FKBP4: variants seen among roughly 807,000 people sequenced by gnomAD.
FKBP4 encodes FKBP prolyl isomerase 4, also known as peptidyl-prolyl cis-trans isomerase FKBP4.
In FKBP4, 28 loss-of-function variants were observed where a neutral mutation model predicts 54.1. That is an observed-to-expected ratio of 0.52 (90% CI 0.38 to 0.71). The LOEUF is 0.71. Among genes scored for constraint, FKBP4 ranks in the 30% least tolerant of loss-of-function variants. The pLI, the probability that FKBP4 is intolerant of heterozygous loss-of-function variation, is 0.00. For synonymous variants in FKBP4, 223 were observed against 216.1 expected (o/e 1.03, Z -0.28); for missense variants, 493 against 574.4 (o/e 0.86, Z 1.45).
At position 2,800,034 on chromosome 12, in the gene FKBP4, G is replaced by A. The variant is rs749322183; in HGVS notation, c.763-5G>A. On this transcript the variant is annotated splice_region_variant and splice_polypyrimidine_tract_variant and intron_variant, in intron 6 of 9. Transcript: ENST00000001008. ...CAACTTTGTTTCTCTCCTGGGGTGT[G>A]GCAGGCCAAGGAGTCTTGGGAGATG... 1.2e-6 allele frequency: 2 copies of A among 1,614,174 alleles called. No individual in the cohort carries two copies. Among genetic ancestry groups the A allele is most frequent in the Admixed American group, 3.3e-5 (2 of 60,034 alleles).
At position 2,797,829 on chromosome 12, in the gene FKBP4, C is replaced by T; in HGVS notation, c.351C>T (p.Gly117=). The T allele has an allele frequency of 6.2e-7, 1 of 1,614,114 alleles. No individual in the cohort carries two copies. The highest frequency in any genetic ancestry group is 8.5e-7 in the Non-Finnish European group (1 of 1,179,974). ...CKPEYAYGSA[G]SPPKIPPNAT... is the part of the protein sequence containing the mutation. Reference sequence around the variant, plus strand: ...CAGAATATGCCTACGGTTCAGCAGGCAGTCCTCCAAAGATTCCCCCCAATG... The same window carrying T: ...CAGAATATGCCTACGGTTCAGCAGGTAGTCCTCCAAAGATTCCCCCCAATG... The change falls in exon 3 of 10, where the codon GGC becomes GGT. Residue 117 remains glycine, a synonymous_variant. Transcript: ENST00000001008.
intron 8 of FKBP4, among the ~76,000 whole-genome samples, 170 bp from the exon 9 acceptor site, chr12:2,800,947 G>GATTCCTTCCTA (rs924488244): frequency 1.6e-5 from 2 of 123,056 alleles, no homozygotes; most frequent in African/African-American, 6.4e-5. Context: ...GATTAAATGA[G>GATTCCTTCCTA]GTCCCTGGAT....
chr12:2,805,077 C>T lies in FKBP4; in HGVS notation c.*1819C>T. Reference sequence around the variant, plus strand: ...TAACTCAAGCATTTATGGAGTAAGCCTAGCACTGTACTGACAGCATCACAT... The same window carrying T: ...TAACTCAAGCATTTATGGAGTAAGCTTAGCACTGTACTGACAGCATCACAT... On this transcript the variant is annotated 3_prime_UTR_variant, in exon 10 of 10. Transcript: ENST00000001008. 2.3e-6 allele frequency: 1 copy of T among 436,880 alleles called. No individual in the cohort carries two copies. Among genetic ancestry groups the T allele is most frequent in the South Asian group, 1.6e-5 (1 of 60,996 alleles). The allele number at this position is 436,880 out of a possible 1,614,324, so 27.1% of individuals were successfully genotyped here. A position where few individuals can be genotyped will look rare whatever the true frequency, so the allele number is the denominator to read the frequency against.
At position 2,797,795 on chromosome 12, in the gene FKBP4, C is replaced by T. The variant is rs1366296045; in HGVS notation, c.317C>T (p.Thr106Ile). Residue 106 changes from threonine to isoleucine, a missense_variant, in exon 3 of 10, where the codon ACC becomes ATC. Thr to Ile is a moderately conservative substitution (Grantham distance 89). Transcript: ENST00000001008. ...TMKVGEVCHI[T>I]CKPEYAYGSA... is the part of the protein sequence containing the mutation. ...AAGGTGGGGGAGGTGTGCCACATCA[C>T]CTGCAAACCAGAATATGCCTACGGT... 2 of 1,613,994 alleles carry T rather than the reference C, an allele frequency of 1.2e-6. No individual in the cohort carries two copies. Among genetic ancestry groups the T allele is most frequent in the Non-Finnish European group, 1.7e-6 (2 of 1,179,944 alleles).
Position 2,796,349 on chromosome 12 carries a change from C to A in FKBP4, c.106-789C>A, listed in dbSNP as rs376330266. 4 of 1,289,246 alleles carry A rather than the reference C, an allele frequency of 3.1e-6. No individual in the cohort carries two copies. The East Asian group carries it at 2.2e-4, about 72-fold the overall frequency. 79.9% of individuals were successfully genotyped at this position (1,289,246 alleles called of 1,614,324 possible). On this transcript the variant is annotated intron_variant, in intron 1 of 9. Coordinates refer to ENST00000001008, the MANE Select transcript of FKBP4 (RefSeq NM_002014.4). ...TCTCGCTCCAGCGTCCTGCCGTTTT[C>A]TACGAGATTGTTATTCCAGGAAAGC...
intron 2 of FKBP4, among the ~76,000 whole-genome samples, 168 bp downstream of exon 2, chr12:2,797,450 ATC>A (rs1295124714): frequency 6.9e-6 from 1 of 144,368 alleles, no homozygotes; most frequent in East Asian, 2.0e-4. Flanking sequence ...AACTATATTG[ATC>A]TCTGTCTCCC....
rs1250894226 is a variant in FKBP4, at chr12:2,798,554, A to G, written c.394-152A>G. On this transcript the variant is annotated intron_variant, in intron 3 of 9. Transcript: ENST00000001008. The surrounding 1 kb of genome is among the most constrained non-coding windows in gnomAD (Gnocchi z 4.3). ...AGATTAGGGCAGCTCCCAAGAACTG[A>G]AAAAAAGTGCCACTCTACCCAACTC... 6.3e-6 allele frequency: 8 copies of G among 1,278,494 alleles called. No homozygotes were observed. In the East Asian group the frequency reaches 9.6e-5, roughly 15 times the overall value. The allele number at this position is 1,278,494 out of a possible 1,614,324, so 79.2% of individuals were successfully genotyped here.
chr12:2,797,710 T>C lies in FKBP4; in HGVS notation c.251-19T>C. ...TCAGAACCCTGCTAAGGCGGTCCTG[T>C]TTGCTTCTGTACCTGCAGGGGAGGT... On this transcript the variant is annotated intron_variant, in intron 2 of 9. Coordinates refer to ENST00000001008, the MANE Select transcript of FKBP4 (RefSeq NM_002014.4). 6.2e-7 allele frequency: 1 copy of C among 1,603,912 alleles called. No individual in the cohort carries two copies. The highest frequency in any genetic ancestry group is 8.5e-7 in the Non-Finnish European group (1 of 1,172,792).
At position 2,799,107 on chromosome 12, in the gene FKBP4, C is replaced by A; in HGVS notation, c.534C>A (p.Tyr178Ter). The part of the protein sequence containing the change: ...AIVEVALEGY[Y>*]KDKLFDQREL... ...TGCCAGTTGCACTGGAAGGGTACTACAAGGACAAGCTCTTTGACCAGCGGG... is the reference window on the plus strand; with the variant it reads ...TGCCAGTTGCACTGGAAGGGTACTAAAAGGACAAGCTCTTTGACCAGCGGG... Residue 178 changes from tyrosine to a stop codon, truncating the protein, a stop_gained, in exon 5 of 10, where the codon TAC (tyrosine) becomes TAA (stop). Coordinates refer to ENST00000001008, the MANE Select transcript of FKBP4 (RefSeq NM_002014.4). LOFTEE classifies it high-confidence loss of function. 2 of 1,553,652 alleles carry A rather than the reference C, an allele frequency of 1.3e-6. No individual in the cohort carries two copies. Among genetic ancestry groups the A allele is most frequent in the Middle Eastern group, 1.7e-4 (1 of 5,768 alleles).
In FKBP4 at chr12:2,795,937, C is replaced by CG. The variant is rs2097901567; in HGVS notation, c.105+693_105+694insG. ...GCCGGGAGCTGTAGTCCCCTCCCCC[C>CG]TCCGCCGCCTCCCGGAGCCAGGGCT... On this transcript the variant is annotated intron_variant, in intron 1 of 9. Coordinates refer to ENST00000001008, the MANE Select transcript of FKBP4 (RefSeq NM_002014.4). The surrounding 1 kb of genome is among the most constrained non-coding windows in gnomAD (Gnocchi z 4.3). The CG allele has an allele frequency of 9.8e-7, 1 of 1,024,924 alleles. No individual in the cohort carries two copies. Among genetic ancestry groups the CG allele is most frequent in the Admixed American group, 5.3e-5 (1 of 18,772 alleles). 63.5% of individuals were successfully genotyped at this position (1,024,924 alleles called of 1,614,324 possible).
chr12:2,798,244 T>C lies in FKBP4; in HGVS notation c.393+373T>C, dbSNP rs1241854948. On this transcript the variant is annotated intron_variant, in intron 3 of 9. Coordinates refer to ENST00000001008, the MANE Select transcript of FKBP4 (RefSeq NM_002014.4). The surrounding 1 kb of genome is among the most constrained non-coding windows in gnomAD (Gnocchi z 4.3). ...CCAGAAGAGGGAGCAGTAGCTCCCC[T>C]GTGGGTCAAGGGCTGAGAAAAGGCT... is the stretch of plus-strand genomic sequence containing the variant. Among the ~76,000 whole-genome samples, 2 of 152,228 alleles carry C rather than the reference T, an allele frequency of 1.3e-5. No homozygotes were observed. The highest frequency in any genetic ancestry group is 2.9e-5 in the Non-Finnish European group (2 of 68,042).
chr12:2,797,944 G>GA, intron 3 of FKBP4, 73 bp downstream of exon 3: 1 of 1,530,968 alleles, frequency 6.5e-7, no homozygotes, highest in African/African-American at 1.4e-5. Flanking sequence ...CTGCCCTCCA[G>GA]CCCTTCCTGC....
chr12:2,796,219 CAG>C, intron 1 of FKBP4: 1 of 1,289,084 alleles, frequency 7.8e-7, no homozygotes, highest in Non-Finnish European at 1.0e-6. Flanking sequence ...GCACCCACCT[CAG>C]GGGGCCTTTA....
At position 2,798,790 on chromosome 12, in the gene FKBP4, G is replaced by A; in HGVS notation, c.478G>A (p.Gly160Ser). ...IIRRIQTRGE[G>S]YAKPNEGAIV... ...TCGCAGAATACAGACTCGCGGTGAA[G>A]GCTATGCTAAGCCCAATGAGGGTGC... Residue 160 changes from glycine (G) to serine (S), a missense_variant, in exon 4 of 10, where the codon GGC becomes AGC. Physicochemically the swap from Gly to Ser is moderately conservative, Grantham distance 56 (BLOSUM62 0). Transcript: ENST00000001008. The surrounding 1 kb of genome is among the most constrained non-coding windows in gnomAD (Gnocchi z 4.3). 1 of 1,614,210 alleles carries A rather than the reference G, an allele frequency of 6.2e-7. No homozygotes were observed. Among genetic ancestry groups the A allele is most frequent in the Non-Finnish European group, 8.5e-7 (1 of 1,180,038 alleles).
rs937421633 is a variant in FKBP4 at position 2,803,241 on chromosome 12, G to T, written c.1363G>T (p.Val455Leu). The T allele has an allele frequency of 2.5e-6, 4 of 1,589,276 alleles. No individual in the cohort carries two copies. The highest frequency in any genetic ancestry group is 3.4e-6 in the Non-Finnish European group (4 of 1,169,226). ...CAACACGGCAGGGAGCCAGTCTCAG[G>T]TGGAGACAGAAGCATAGCCCCTCTC... ...KSNTAGSQSQ[V>L]ETEA Residue 455 changes from valine to leucine, a missense_variant, in exon 10 of 10, where the codon GTG becomes TTG. Physicochemically the swap from Val to Leu is conservative, Grantham distance 32 (BLOSUM62 1). Transcript: ENST00000001008.
chr12:2,798,661 C>T lies in FKBP4; in HGVS notation c.394-45C>T, dbSNP rs2153919684. Reference sequence around the variant, plus strand: ...ATGAGAAAGATTGTGTTTCACTGCCCATGAGTTAGCATGGGAAGGAATTGT... The same window carrying T: ...ATGAGAAAGATTGTGTTTCACTGCCTATGAGTTAGCATGGGAAGGAATTGT... On this transcript the variant is annotated intron_variant, in intron 3 of 9. Coordinates refer to ENST00000001008, the MANE Select transcript of FKBP4 (RefSeq NM_002014.4). This position sits in a 1 kb window ranked among gnomAD's most constrained non-coding sequence, Gnocchi z 4.3. 6.2e-7 allele frequency: 1 copy of T among 1,611,682 alleles called. No homozygotes were observed. Among genetic ancestry groups the T allele is most frequent in the Non-Finnish European group, 8.5e-7 (1 of 1,179,466 alleles).
Position 2,797,749 on chromosome 12 carries a change from G to A in FKBP4, c.271G>A (p.Asp91Asn). Residue 91 changes from aspartate to asparagine, a missense_variant, in exon 3 of 10, where the codon GAC becomes AAC. Physicochemically the swap from Asp to Asn is conservative, Grantham distance 23. Coordinates refer to ENST00000001008, the MANE Select transcript of FKBP4 (RefSeq NM_002014.4). ...TGCAGGGGAGGTCATCAAGGCTTGG[G>A]ACATTGCCATAGCCACCATGAAGGT... is the stretch of plus-strand genomic sequence containing the variant. Reference protein sequence around the residue: ...LGKGEVIKAWDIAIATMKVGE... With the variant: ...LGKGEVIKAWNIAIATMKVGE... 2 of 1,613,592 alleles carry A rather than the reference G, an allele frequency of 1.2e-6. No homozygotes were observed. Among genetic ancestry groups the A allele is most frequent in the Non-Finnish European group, 1.7e-6 (2 of 1,179,662 alleles).
At chr12:2,797,412 TC>T (rs2097902456) in intron 2 of FKBP4, 130 bp downstream of exon 2, 6 of 1,037,948 alleles carry the variant, frequency 5.8e-6, no homozygotes, top group African/African-American at 4.0e-5. Flanking sequence ...TTTCGGTCAC[TC>T]TTTTTTTTTT....
At chr12:2,796,133 C>T (rs1240280729) in intron 1 of FKBP4, 9 of 1,234,018 alleles carry the variant, frequency 7.3e-6, no homozygotes, top group African/African-American at 1.6e-5. Context: ...GAATTCCCAG[C>T]CTGCGTCTTA....
Sources: gnomAD v4.1 joint callset for allele counts (sites outside exome capture counted in the v4.1 genomes callset) on GRCh38, gnomAD v4.1.1 for gene constraint, Gnocchi (gnomAD v3.1) non-coding constraint, MANE v1.5 for transcripts, NCBI Gene and HGNC (gene_info 2026-07-23, HGNC 2026-07-21) for gene names.